The following IKZF2 variants were observed in gnomAD, a reference collection of about 807,000 sequenced individuals.
IKZF2 encodes the protein zinc finger protein Helios.
Under a neutral mutation model 49.2 loss-of-function variants are expected in IKZF2, and 15 were observed. The observed-to-expected ratio is 0.30, with a 90% confidence interval of 0.20 to 0.47. The LOEUF (loss-of-function observed/expected upper bound fraction) is 0.47. Ranked by LOEUF, IKZF2 falls within the 20% of genes least tolerant of loss-of-function variation. The probability of loss-of-function intolerance (pLI) is 1.00; values close to 1 mark genes in which losing one functional copy is unlikely to be tolerated. For missense variants in IKZF2, 567 were observed against 664.6 expected, an observed-to-expected ratio of 0.85 and a Z score of 1.61; for synonymous variants, 227 against 221.4, an observed-to-expected ratio of 1.03 and a Z score of -0.23.
intron 6 of IKZF2, among the ~76,000 whole-genome samples, chr2:213,040,587 A>T (rs191884873): frequency 1.8e-4 from 27 of 152,274 alleles, no homozygotes; most frequent in Non-Finnish European, 3.4e-4. Context: ...AATTTTTAAA[A>T]TAACAAGTAT....
chr2:213,080,616 A>T (rs2125564304), intron 4 of IKZF2, among the ~76,000 whole-genome samples: 1 of 152,352 alleles, frequency 6.6e-6, no homozygotes, highest in East Asian at 1.9e-4. Context: ...TGAGAACTAA[A>T]TGTTCAGAAA....
intron 7 of IKZF2, among the ~76,000 whole-genome samples, chr2:213,020,711 A>G (rs370846609): frequency 6.6e-6 from 1 of 152,320 alleles, no homozygotes; most frequent in African/African-American, 2.4e-5. Flanking sequence ...TTTAAATTAA[A>G]AAAATTCCCA....
At chr2:213,134,668 A>C (rs932177098) in intron 4 of IKZF2, among the ~76,000 whole-genome samples, 2 of 152,196 alleles carry the variant, frequency 1.3e-5, no homozygotes, top group African/African-American at 4.8e-5. Flanking sequence ...AAATATCTGA[A>C]GAAGTATGCT....
intron 4 of IKZF2, among the ~76,000 whole-genome samples, chr2:213,101,786 T>C (rs1706708481): frequency 1.3e-5 from 2 of 152,294 alleles, no homozygotes; most frequent in Middle Eastern, 3.4e-3. Flanking sequence ...TGGTCCAAGA[T>C]GCTAATGATA....
chr2:213,091,695 G>A (rs1157793131), intron 4 of IKZF2, among the ~76,000 whole-genome samples: 4 of 152,076 alleles, frequency 2.6e-5, no homozygotes, highest in Non-Finnish European at 5.9e-5. Context: ...TGAAAGATGT[G>A]GGATCAAAGT....
rs1407505235 is a variant in IKZF2 at position 213,124,281 on chromosome 2, CACA to C, written c.139+23424_139+23426del. Among the ~76,000 whole-genome samples, 79 of 146,602 alleles carry C rather than the reference CACA, an allele frequency of 5.4e-4. 3 individuals are homozygous for C. The highest frequency in any genetic ancestry group is 2.1e-3 in the African/African-American group (76 of 36,728). ...ACACACACACACACACACACACACA[CACA>C]CACACACACACACAGCCACACAAAA... is the stretch of plus-strand genomic sequence containing the variant. On this transcript the variant is annotated intron_variant, in intron 4 of 8. Coordinates refer to ENST00000434687, the MANE Select transcript of IKZF2 (RefSeq NM_001387220.1).
chr2:213,009,233 T>A (rs1459516138), intron 8 of IKZF2, among the ~76,000 whole-genome samples: 1 of 152,124 alleles, frequency 6.6e-6, no homozygotes. Context: ...ATATTTTACA[T>A]CAACATAATG....
intron 6 of IKZF2, among the ~76,000 whole-genome samples, chr2:213,042,655 AT>A (rs1398969426): frequency 6.6e-6 from 1 of 152,204 alleles, no homozygotes; most frequent in African/African-American, 2.4e-5. Context: ...GTGGGCAAAA[AT>A]AATCATAAAA....
chr2:213,056,502 G>A (rs1701165248), intron 5 of IKZF2: 1 of 404,804 alleles, frequency 2.5e-6, no homozygotes, highest in Non-Finnish European at 4.6e-6. Context: ...ACCTGCCCAT[G>A]GGTATGGTAA....
intron 4 of IKZF2, among the ~76,000 whole-genome samples, chr2:213,074,658 C>T (rs1384398): frequency 0.048 from 7,248 of 152,188 alleles, 297 homozygotes; most frequent in African/African-American, 0.11. Flanking sequence ...AGAAGACTGA[C>T]ATTGCATTAC....
chr2:213,060,588 C>T (rs1479751139), intron 4 of IKZF2, among the ~76,000 whole-genome samples: 1 of 151,254 alleles, frequency 6.6e-6, no homozygotes, highest in African/African-American at 2.4e-5. Context: ...ATTTTTCAAG[C>T]TTGTTTCTCT....
chr2:213,057,179 T>C (rs1701244468), intron 4 of IKZF2, 80 bp from the exon 5 acceptor site: 1 of 1,230,528 alleles, frequency 8.1e-7, no homozygotes, highest in South Asian at 1.5e-5. Context: ...CTCATTGTCA[T>C]CCTACTAAAT....
chr2:213,147,897 C>T (rs2061136830), intron 3 of IKZF2, 85 bp from the exon 4 acceptor site: 2 of 877,242 alleles, frequency 2.3e-6, no homozygotes, highest in Non-Finnish European at 1.9e-6. Flanking sequence ...CACGCAATGG[C>T]ATGCATAGCC....
chr2:213,011,752 A>G (rs1695979010), intron 8 of IKZF2, among the ~76,000 whole-genome samples: 2 of 151,270 alleles, frequency 1.3e-5, no homozygotes, highest in African/African-American at 2.4e-5. Context: ...ATTCATATAT[A>G]TTGATGCCAA....
intron 7 of IKZF2, chr2:213,014,695 T>C (rs1245647701): frequency 6.6e-6 from 1 of 152,016 alleles, no homozygotes; most frequent in Non-Finnish European, 1.5e-5. Flanking sequence ...GACTAATCTG[T>C]TAGCCCTTAG....
chr2:213,099,769 C>A (rs1706437555), intron 4 of IKZF2, among the ~76,000 whole-genome samples: 1 of 152,060 alleles, frequency 6.6e-6, no homozygotes, highest in Non-Finnish European at 1.5e-5. Context: ...CATTTTTAAC[C>A]TCTCTGACCC....
At chr2:213,085,299 GC>G (rs1467218921) in intron 4 of IKZF2, among the ~76,000 whole-genome samples, 1 of 152,110 alleles carries the variant, frequency 6.6e-6, no homozygotes, top group African/African-American at 2.4e-5. Context: ...TAAACAAAAA[GC>G]CTTTTGGACA....
intron 4 of IKZF2, among the ~76,000 whole-genome samples, chr2:213,080,179 G>GAGAT (rs6147162): frequency 0.078 from 7,568 of 97,164 alleles, 388 homozygotes; most frequent in African/African-American, 0.15. Context: ...AATCTATATA[G>GAGAT]AGATAGATAG....
intron 4 of IKZF2, among the ~76,000 whole-genome samples, chr2:213,112,904 A>C (rs2059760537): frequency 6.6e-6 from 1 of 152,156 alleles, no homozygotes; most frequent in Admixed American, 6.5e-5. Context: ...AAATGAATTA[A>C]TACATATAAA....
Sources: gnomAD v4.1 joint callset for allele counts (sites outside exome capture counted in the v4.1 genomes callset) on GRCh38, gnomAD v4.1.1 for gene constraint, MANE v1.5 for transcripts, NCBI Gene and HGNC (gene_info 2026-07-23, HGNC 2026-07-21) for gene names.